The following CSDE1 variants were observed in gnomAD, a reference collection of about 807,000 sequenced individuals.
CSDE1 encodes the protein cold shock domain-containing protein E1.
CSDE1 carries 17 observed loss-of-function variants against 89.3 expected under a neutral mutation model. That is an observed-to-expected ratio of 0.19 (90% confidence interval 0.13 to 0.29). The LOEUF is 0.29. CSDE1 is among the 10% of genes least tolerant of loss of function. The probability of loss-of-function intolerance (pLI) is 1.00; values close to 1 mark genes in which losing one functional copy is unlikely to be tolerated. For synonymous variants in CSDE1, 322 were observed against 332.8 expected (o/e 0.97, Z 0.35); for missense variants, 672 against 984.2 (o/e 0.68, Z 4.24).
chr1:114,745,805 C>T (rs1187258682), intron 2 of CSDE1, among the ~76,000 whole-genome samples: 1 of 152,136 alleles, frequency 6.6e-6, no homozygotes, highest in Non-Finnish European at 1.5e-5. Context: ...CAAATTTAAA[C>T]TTCATTTGTA....
Position 114,734,472 on chromosome 1 carries a change from G to C in CSDE1, c.552C>G (p.Ala184=). 1 of 1,612,888 alleles carries C rather than the reference G, an allele frequency of 6.2e-7. No homozygotes were observed. The highest frequency in any genetic ancestry group is 8.5e-7 in the Non-Finnish European group (1 of 1,179,672). ...TGGCACAAACTACTCCCTGACAGCG[G>C]GCTTGTTTCTTTTTCAACAGCATAA... is the stretch of plus-strand genomic sequence containing the variant. ...RNIMLLKKKQ[A]RCQGVVCAMK... is the part of the protein sequence containing the mutation. Residue 184 remains alanine (A), a synonymous_variant, in exon 7 of 20, where the codon GCC becomes GCG. Coordinates refer to ENST00000358528, the MANE Select transcript of CSDE1 (RefSeq NM_001007553.3).
chr1:114,743,043 CAT>C (rs1456605151), intron 2 of CSDE1, among the ~76,000 whole-genome samples: 1 of 152,106 alleles, frequency 6.6e-6, no homozygotes, highest in Non-Finnish European at 1.5e-5. Context: ...ATCGAAAATA[CAT>C]GTTTTTAACT....
At chr1:114,734,655 A>G in intron 6 of CSDE1, 132 bp from the exon 7 acceptor site, 1 of 650,920 alleles carries the variant, frequency 1.5e-6, no homozygotes, top group Non-Finnish European at 2.6e-6. Context: ...GAATAAATAC[A>G]GGGTTTATGA....
intron 12 of CSDE1, chr1:114,727,702 ACT>A (rs1299069693): frequency 6.6e-6 from 1 of 152,116 alleles, no homozygotes; most frequent in Non-Finnish European, 1.5e-5. Flanking sequence ...AGAATGATTA[ACT>A]CTTAAAAAAT....
At chr1:114,751,441 C>T (rs1410532824) in intron 1 of CSDE1, among the ~76,000 whole-genome samples, 3 of 152,150 alleles carry the variant, frequency 2.0e-5, no homozygotes, top group Non-Finnish European at 4.4e-5. Context: ...AGAGCCTAAT[C>T]GCAATCACTG....
chr1:114,753,060 T>C (rs531574155), intron 1 of CSDE1, among the ~76,000 whole-genome samples: 3 of 152,072 alleles, frequency 2.0e-5, no homozygotes, highest in African/African-American at 7.2e-5. Flanking sequence ...TTTAATTATA[T>C]AGTTTTAATT....
chr1:114,728,149 T>C (rs1457648131), intron 12 of CSDE1, among the ~76,000 whole-genome samples: 2 of 152,238 alleles, frequency 1.3e-5, no homozygotes, highest in East Asian at 3.8e-4. Flanking sequence ...TCTCCATAGT[T>C]TCTCTTTTCC....
At chr1:114,720,153 G>GTT (rs891513154) in intron 17 of CSDE1, 2 of 212,212 alleles carry the variant, frequency 9.4e-6, no homozygotes, top group African/African-American at 4.6e-5. Context: ...GATCTCAGGA[G>GTT]TAAGACTAAG....
At chr1:114,755,958 T>C (rs1049919084) in intron 1 of CSDE1, among the ~76,000 whole-genome samples, 10 of 152,230 alleles carry the variant, frequency 6.6e-5, no homozygotes, top group African/African-American at 2.4e-4. Context: ...CTAAATTTCA[T>C]GTTATGAATG....
At chr1:114,752,866 A>G (rs1416937369) in intron 1 of CSDE1, among the ~76,000 whole-genome samples, 1 of 152,136 alleles carries the variant, frequency 6.6e-6, no homozygotes, top group Non-Finnish European at 1.5e-5. Flanking sequence ...TGTTCCTCCA[A>G]TTCTATTTCA....
In CSDE1 at chr1:114,739,773, T is replaced by C; in HGVS notation, c.118A>G (p.Ile40Val). ...IEKLLTSYGF[I>V]QCSERQARLF... ...CTAGCTTGACGTTCTGAACACTGAA[T>C]AAATCCGTAAGAGGTTAACAGTTTT... is the stretch of plus-strand genomic sequence containing the variant. The change falls in exon 3 of 20, where the codon ATT (isoleucine) becomes GTT (valine). Residue 40 changes from isoleucine (I) to valine (V), a missense_variant. Transcript: ENST00000358528. 2.5e-6 allele frequency: 4 copies of C among 1,614,146 alleles called. No homozygotes were observed. Among genetic ancestry groups the C allele is most frequent in the Non-Finnish European group, 3.4e-6 (4 of 1,179,990 alleles).
Position 114,736,774 on chromosome 1 carries a change from T to A in CSDE1, c.484A>T (p.Ile162Phe), listed in dbSNP as rs1242701909. ...LETGDKINFV[I>F]DNNKHTGAVS... ...AGAACTTACTGTTTATTGTTATCAA[T>A]TACAAAGTTTATTTTATCTCCAGTT... is the stretch of plus-strand genomic sequence containing the variant. Residue 162 changes from isoleucine to phenylalanine, a missense_variant, in exon 6 of 20, where the codon ATT (isoleucine) becomes TTT (phenylalanine). Around this residue, in one of 8 missense-constraint regions of CSDE1, gnomAD observed 124 missense variants for 138.7 expected, o/e 0.89. Transcript: ENST00000358528. 6.2e-7 allele frequency: 1 copy of A among 1,610,522 alleles called. No homozygotes were observed. Among genetic ancestry groups the A allele is most frequent in the Non-Finnish European group, 8.5e-7 (1 of 1,177,704 alleles).
At chr1:114,735,596 T>C (rs997429921) in intron 6 of CSDE1, among the ~76,000 whole-genome samples, 4 of 152,136 alleles carry the variant, frequency 2.6e-5, no homozygotes, top group African/African-American at 9.7e-5. Flanking sequence ...TAACCACACC[T>C]ACAACACAAT....
Position 114,719,564 on chromosome 1 carries a change from A to C in CSDE1, c.2216+15T>G, listed in dbSNP as rs777947999. 3 of 1,609,884 alleles carry C rather than the reference A, an allele frequency of 1.9e-6. No individual in the cohort carries two copies. The highest frequency in any genetic ancestry group is 1.7e-4 in the Middle Eastern group (1 of 6,016). Reference sequence around the variant, plus strand: ...CCAGGGTAGTTACTAATCAAACCACAACAACAAAACTCACCAGACTCGCCA... The same window carrying C: ...CCAGGGTAGTTACTAATCAAACCACCACAACAAAACTCACCAGACTCGCCA... On this transcript the variant is annotated intron_variant, in intron 18 of 19. Coordinates refer to ENST00000358528, the MANE Select transcript of CSDE1 (RefSeq NM_001007553.3).
intron 16 of CSDE1, among the ~76,000 whole-genome samples, chr1:114,721,267 A>C (rs1371769245): frequency 6.6e-6 from 1 of 152,038 alleles, no homozygotes; most frequent in Non-Finnish European, 1.5e-5. Flanking sequence ...GGAGAGTATT[A>C]TTTTAGGTTT....
Position 114,734,066 on chromosome 1 carries a change from G to GA in CSDE1, c.633dup (p.His212SerfsTer3), listed in dbSNP as rs773462966. ...AAGTCACCCTTAAATTCACTATAGTGAAAGAATATCTCTTTTACAACATCA... is the reference window on the plus strand; with the variant it reads ...AAGTCACCCTTAAATTCACTATAGTGAAAAGAATATCTCTTTTACAACATCA... On this transcript the variant is annotated frameshift_variant, in exon 8 of 20. Transcript: ENST00000358528. LOFTEE classifies it high-confidence loss of function. The GA allele has an allele frequency of 6.2e-7, 1 of 1,612,920 alleles. No homozygotes were observed. Among genetic ancestry groups the GA allele is most frequent in the Non-Finnish European group, 8.5e-7 (1 of 1,179,846 alleles).
intron 2 of CSDE1, among the ~76,000 whole-genome samples, chr1:114,749,601 G>T (rs948547221): frequency 1.3e-5 from 2 of 152,170 alleles, no homozygotes; most frequent in African/African-American, 4.8e-5. Context: ...CAAGTCGAGA[G>T]ATCAGCATGT....
intron 9 of CSDE1, among the ~76,000 whole-genome samples, chr1:114,733,085 T>C (rs1211328864): frequency 6.6e-6 from 1 of 152,174 alleles, no homozygotes; most frequent in Non-Finnish European, 1.5e-5. Context: ...ACACCACTTG[T>C]GTCCTCACCT....
At chr1:114,733,588 A>T in intron 9 of CSDE1, 144 bp downstream of exon 9, 1 of 518,026 alleles carries the variant, frequency 1.9e-6, no homozygotes. Flanking sequence ...TTTCTCTTTT[A>T]GTTTAAATAT....
Sources: allele counts gnomAD v4.1 joint callset (sites outside exome capture counted in the v4.1 genomes callset), GRCh38; gene constraint gnomAD v4.1.1; regional missense constraint gnomAD v4.1.1; transcripts MANE v1.5; gene names NCBI Gene and HGNC (gene_info 2026-07-23, HGNC 2026-07-21).